Variants in FOXN3 observed in about 807,000 individuals in gnomAD.
FOXN3 encodes forkhead box protein N3.
Under a neutral mutation model 38.4 loss-of-function variants are expected in FOXN3, and 7 were observed. The observed-to-expected ratio is 0.18, with a 90% CI of 0.10 to 0.34. The LOEUF is 0.34. Among genes scored for constraint, FOXN3 ranks in the 10% least tolerant of loss-of-function variants. FOXN3 has a pLI of 1.00. For synonymous variants in FOXN3, 230 were observed against 242.2 expected (o/e 0.95, Z 0.47); for missense variants, 456 against 613.4 (o/e 0.74, Z 2.71).
chr14:89,176,933 C>A (rs555236013), intron 5 of FOXN3, among the ~76,000 whole-genome samples: 1 of 151,932 alleles, frequency 6.6e-6, no homozygotes, highest in South Asian at 2.1e-4. Context: ...GGGGCAAGTT[C>A]AGAATTGGTA....
chr14:89,360,786 T>TCCACCACTACCACCTCCAGCACCA (rs1889504387), intron 2 of FOXN3, among the ~76,000 whole-genome samples: 1 of 14,640 alleles, frequency 6.8e-5, no homozygotes, highest in Non-Finnish European at 1.5e-4. Flanking sequence ...CACCACCACC[T>TCCACCACTACCACCTCCAGCACCA]CCACCACCAC....
chr14:89,176,989 ATCTC>A (rs1031731330), intron 5 of FOXN3, among the ~76,000 whole-genome samples: 208 of 147,038 alleles, frequency 1.4e-3, no homozygotes, highest in Middle Eastern at 3.5e-3. Context: ...TTTACTGGTT[ATCTC>A]TCTCTCTCTT....
At chr14:89,425,368 C>CTGTTT (rs1444573532) in intron 1 of FOXN3, among the ~76,000 whole-genome samples, 3 of 150,680 alleles carry the variant, frequency 2.0e-5, no homozygotes, top group Non-Finnish European at 4.4e-5. Context: ...TGCGCCTGGC[C>CTGTTT]TGTTTTGTTT....
At chr14:89,272,108 G>A (rs886912946) in intron 4 of FOXN3, among the ~76,000 whole-genome samples, 10 of 152,236 alleles carry the variant, frequency 6.6e-5, no homozygotes, top group Non-Finnish European at 5.9e-5. Flanking sequence ...TCAGGAGTTC[G>A]AGACCAACCT....
intron 4 of FOXN3, among the ~76,000 whole-genome samples, chr14:89,244,229 T>C (rs1885223721): frequency 6.6e-6 from 1 of 152,230 alleles, no homozygotes; most frequent in African/African-American, 2.4e-5. Context: ...ATACATGATA[T>C]TGGTAACGGC....
intron 1 of FOXN3, among the ~76,000 whole-genome samples, chr14:89,612,188 C>A (rs1254029385): frequency 3.9e-5 from 6 of 152,078 alleles, no homozygotes; most frequent in Non-Finnish European, 7.4e-5. Context: ...GACATTAATG[C>A]ATATTATCAT....
At chr14:89,501,154 C>T (rs1893792808) in intron 1 of FOXN3, among the ~76,000 whole-genome samples, 1 of 152,076 alleles carries the variant, frequency 6.6e-6, no homozygotes, top group South Asian at 2.1e-4. Context: ...AGGAAATGTT[C>T]AACTGTACAC....
chr14:89,419,404 T>G (rs1337972046), upstream of FOXN3: 1 of 335,246 alleles, frequency 3.0e-6, no homozygotes, highest in Non-Finnish European at 5.9e-6. Context: ...ACAACCCCAT[T>G]CACAATTCCC....
chr14:89,374,891 C>T (rs1456562995), intron 2 of FOXN3, among the ~76,000 whole-genome samples: 1 of 150,802 alleles, frequency 6.6e-6, no homozygotes, highest in Non-Finnish European at 1.5e-5. Context: ...GCAGGGGAAT[C>T]GCTTGAATAC....
chr14:89,359,614 A>G (rs1234577294), intron 2 of FOXN3, among the ~76,000 whole-genome samples: 2 of 152,230 alleles, frequency 1.3e-5, no homozygotes, highest in African/African-American at 4.8e-5. Flanking sequence ...CAAGAAGGAC[A>G]TGGGACTTTG....
intron 1 of FOXN3, among the ~76,000 whole-genome samples, chr14:89,531,835 A>G (rs1894577623): frequency 6.6e-6 from 1 of 152,020 alleles, no homozygotes; most frequent in Admixed American, 6.6e-5. Context: ...TTTGAGACAG[A>G]GTCTCACCCT....
intron 1 of FOXN3, among the ~76,000 whole-genome samples, chr14:89,526,128 C>T (rs575905962): frequency 2.2e-4 from 34 of 152,112 alleles, no homozygotes; most frequent in African/African-American, 7.7e-4. Context: ...TTTTCAACTT[C>T]ATAAAGAGCA....
At chr14:89,540,336 C>CT (rs1272668471) in intron 1 of FOXN3, among the ~76,000 whole-genome samples, 1 of 152,156 alleles carries the variant, frequency 6.6e-6, no homozygotes, top group Non-Finnish European at 1.5e-5. Flanking sequence ...AAAAGGCATG[C>CT]TTAACATAGA....
At chr14:89,168,016 T>C (rs191151163) in intron 5 of FOXN3, among the ~76,000 whole-genome samples, 4 of 152,134 alleles carry the variant, frequency 2.6e-5, no homozygotes, top group Admixed American at 1.3e-4. Context: ...AAGCAAATCC[T>C]CTCTGAAAGA....
intron 2 of FOXN3, among the ~76,000 whole-genome samples, chr14:89,398,861 T>C (rs905595808): frequency 6.6e-6 from 1 of 152,146 alleles, no homozygotes; most frequent in African/African-American, 2.4e-5. Context: ...GGCACATGCC[T>C]GTAATCCCAG....
At chr14:89,346,970 G>C (rs1888776086) in intron 3 of FOXN3, among the ~76,000 whole-genome samples, 1 of 152,078 alleles carries the variant, frequency 6.6e-6, no homozygotes, top group African/African-American at 2.4e-5. Flanking sequence ...TTGGCTACTA[G>C]GAGCAACTTC....
At chr14:89,266,598 G>A (rs930989120) in intron 4 of FOXN3, among the ~76,000 whole-genome samples, 2 of 152,196 alleles carry the variant, frequency 1.3e-5, no homozygotes, top group African/African-American at 4.8e-5. Context: ...AGGTGCTGGA[G>A]ATAGAGATAA....
intron 1 of FOXN3, among the ~76,000 whole-genome samples, chr14:89,543,402 A>G (rs963888212): frequency 1.3e-5 from 2 of 152,210 alleles, no homozygotes; most frequent in African/African-American, 2.4e-5. Flanking sequence ...GTAGAAGTCA[A>G]TGAAATTAGC....
chr14:89,193,996 A>G lies in FOXN3; in HGVS notation c.746-13190T>C, dbSNP rs115274480. On this transcript the variant is annotated intron_variant, in intron 4 of 5. Transcript: ENST00000557258. ...GATGGCCATTCGTATCTTACATGAA[A>G]AGTCTGTTAAAGTCTTTTACCCATT... 2.2e-3 allele frequency among the ~76,000 whole-genome samples: 340 copies of G among 152,312 alleles called. 1 individual carries two copies. Among genetic ancestry groups the G allele is most frequent in the African/African-American group, 7.9e-3 (329 of 41,576 alleles).
Sources: allele counts gnomAD v4.1 joint callset (sites outside exome capture counted in the v4.1 genomes callset), GRCh38; gene constraint gnomAD v4.1.1; transcripts MANE v1.5; gene names NCBI Gene and HGNC (gene_info 2026-07-23, HGNC 2026-07-21).